GSE1: variants seen among roughly 807,000 people sequenced by gnomAD.
GSE1 encodes genetic suppressor element 1.
Under a neutral mutation model 112.6 loss-of-function variants are expected in GSE1, and 32 were observed. That is an observed-to-expected ratio of 0.28 (90% CI 0.21 to 0.38). The LOEUF is 0.38. GSE1 is among the 10% of genes least tolerant of loss of function. The probability of loss-of-function intolerance (pLI) is 1.00; values close to 1 mark genes in which losing one functional copy is unlikely to be tolerated. For missense variants in GSE1, 2,348 were observed against 1,699.2 expected, an observed-to-expected ratio of 1.38 and a Z score of -6.71; for synonymous variants, 1,115 against 735.6, an observed-to-expected ratio of 1.52 and a Z score of -8.35.
Position 85,201,473 on chromosome 16 carries a change from C to T in GSE1, c.2283+29666C>T, listed in dbSNP as rs141975054. 3.0e-3 allele frequency among the ~76,000 whole-genome samples: 453 copies of T among 151,768 alleles called. 3 individuals are homozygous for T. The highest frequency in any genetic ancestry group is 0.01 in the African/African-American group (434 of 41,386). On this transcript the variant is annotated intron_variant, in intron 1 of 2. Transcript: ENST00000637419. Reference sequence around the variant, plus strand: ...AGGAGTTTGAGACCAGCCTGACCAACGTGGTGAAACGCCATCTGTACCACA... The same window carrying T: ...AGGAGTTTGAGACCAGCCTGACCAATGTGGTGAAACGCCATCTGTACCACA...
chr16:85,645,033 C>T (rs1340357154), intron 2 of GSE1, among the ~76,000 whole-genome samples: 2 of 151,784 alleles, frequency 1.3e-5, no homozygotes, highest in Non-Finnish European at 2.9e-5. Flanking sequence ...CCACCCTCTG[C>T]CCCTGAGGTG....
At chr16:85,353,950 C>T (rs1010660331) in intron 1 of GSE1, among the ~76,000 whole-genome samples, 4 of 152,214 alleles carry the variant, frequency 2.6e-5, no homozygotes, top group African/African-American at 9.6e-5. Flanking sequence ...TGGTCGGCTC[C>T]GTGTCTGTTG....
At chr16:85,575,568 A>C (rs1461166466) in intron 1 of GSE1, among the ~76,000 whole-genome samples, 2 of 151,972 alleles carry the variant, frequency 1.3e-5, no homozygotes, top group Non-Finnish European at 2.9e-5. Flanking sequence ...GCAAAAACAC[A>C]CGGCTAATTG....
At chr16:85,410,282 C>G (rs1262100911) in intron 2 of GSE1, among the ~76,000 whole-genome samples, 6 of 58,514 alleles carry the variant, frequency 1.0e-4, no homozygotes, top group African/African-American at 6.4e-4. Flanking sequence ...ATAATCCTCA[C>G]CGTTGCACTC....
intron 2 of GSE1, among the ~76,000 whole-genome samples, chr16:85,538,575 G>A (rs1008736757): frequency 2.0e-5 from 3 of 152,124 alleles, no homozygotes; most frequent in Admixed American, 2.0e-4. Flanking sequence ...CCTGGGTCTC[G>A]ACTAAAGGTG....
chr16:85,333,874 G>A (rs1399405875), intron 1 of GSE1, among the ~76,000 whole-genome samples: 1 of 152,156 alleles, frequency 6.6e-6, no homozygotes, highest in Non-Finnish European at 1.5e-5. Context: ...CAGACGCCCC[G>A]TGCTCAAGCT....
At chr16:85,282,586 C>T (rs922804791) in intron 1 of GSE1, among the ~76,000 whole-genome samples, 2 of 152,184 alleles carry the variant, frequency 1.3e-5, no homozygotes, top group African/African-American at 4.8e-5. Flanking sequence ...TGTTTGGTGA[C>T]GAGGTCACAG....
At chr16:85,313,986 GTA>G (rs1370123906) in intron 1 of GSE1, among the ~76,000 whole-genome samples, 91 of 140,668 alleles carry the variant, frequency 6.5e-4, no homozygotes, top group African/African-American at 2.7e-3. Flanking sequence ...CCTAGTGTGT[GTA>G]TGTGTGTGTG....
intron 1 of GSE1, among the ~76,000 whole-genome samples, chr16:85,585,526 C>G (rs1194222726): frequency 1.3e-5 from 2 of 152,208 alleles, no homozygotes; most frequent in Admixed American, 6.5e-5. Context: ...ACGTGGTTGC[C>G]TTTGGGGTGT....
intron 1 of GSE1, among the ~76,000 whole-genome samples, chr16:85,194,644 G>A (rs977626766): frequency 1.3e-5 from 2 of 152,176 alleles, no homozygotes; most frequent in Non-Finnish European, 2.9e-5. Flanking sequence ...ATGCATTTGG[G>A]AAACAGTTAG....
chr16:85,525,247 T>TA (rs1567560659), intron 2 of GSE1, among the ~76,000 whole-genome samples: 1 of 139,770 alleles, frequency 7.2e-6, no homozygotes, highest in South Asian at 2.4e-4. Context: ...TCTGGCTCAC[T>TA]TGTCCCCCCC....
chr16:85,535,919 T>C (rs2044310528), intron 2 of GSE1, among the ~76,000 whole-genome samples: 1 of 152,262 alleles, frequency 6.6e-6, no homozygotes, highest in Non-Finnish European at 1.5e-5. Context: ...ATTGGGCACC[T>C]GCTGTATACC....
chr16:85,485,939 C>G (rs61328601), intron 2 of GSE1, among the ~76,000 whole-genome samples: 4,483 of 152,330 alleles, frequency 0.029, 215 homozygotes, highest in African/African-American at 0.1. Flanking sequence ...GGCCCTGAGG[C>G]CATGAGCCTG....
intron 1 of GSE1, among the ~76,000 whole-genome samples, chr16:85,276,773 C>G (rs1909410044): frequency 6.6e-6 from 1 of 152,140 alleles, no homozygotes; most frequent in South Asian, 2.1e-4. Flanking sequence ...AGCAGGATGT[C>G]ACCCAGAACT....
chr16:85,478,317 A>C (rs2050526017), intron 2 of GSE1, among the ~76,000 whole-genome samples: 1 of 152,030 alleles, frequency 6.6e-6, no homozygotes, highest in Non-Finnish European at 1.5e-5. Flanking sequence ...ACTTGAGACC[A>C]GGAGTTCAAG....
intron 1 of GSE1, among the ~76,000 whole-genome samples, chr16:85,330,709 C>T (rs8047149): frequency 0.88 from 133,591 of 152,290 alleles, 58,779 homozygotes; most frequent in East Asian, 1. Flanking sequence ...AACTGTGAAA[C>T]GACATCTGCC....
intron 1 of GSE1, among the ~76,000 whole-genome samples, chr16:85,262,183 A>G (rs1907766773): frequency 1.3e-5 from 2 of 152,316 alleles, no homozygotes; most frequent in Non-Finnish European, 2.9e-5. Flanking sequence ...ACTGACGATG[A>G]CAAATTATTT....
At chr16:85,294,105 C>T (rs2045296318) in intron 1 of GSE1, among the ~76,000 whole-genome samples, 1 of 152,218 alleles carries the variant, frequency 6.6e-6, no homozygotes, top group African/African-American at 2.4e-5. Context: ...TAGCCTGGCT[C>T]CCCGCAACAG....
intron 1 of GSE1, among the ~76,000 whole-genome samples, chr16:85,598,911 T>G (rs2047348775): frequency 6.6e-6 from 1 of 152,240 alleles, no homozygotes; most frequent in African/African-American, 2.4e-5. Flanking sequence ...AGGCGGTGAT[T>G]GGAGCATCGG....
Sources: allele counts gnomAD v4.1 joint callset (sites outside exome capture counted in the v4.1 genomes callset), GRCh38; gene constraint gnomAD v4.1.1; transcripts MANE v1.5; gene names NCBI Gene and HGNC (gene_info 2026-07-23, HGNC 2026-07-21).